Variants in CCDC7 observed in about 807,000 individuals in gnomAD.
CCDC7 encodes the protein coiled-coil domain containing 7, also known as coiled-coil domain-containing protein 7.
A neutral mutation model predicts 196.9 loss-of-function variants in CCDC7; 183 were observed. The observed-to-expected ratio is 0.93, with a 90% CI of 0.82 to 1.05. CCDC7 has a LOEUF of 1.05. Ranked by LOEUF, CCDC7 falls within the 50% of genes least tolerant of loss-of-function variation. The pLI is 0.00. For synonymous variants in CCDC7, 525 were observed against 484.6 expected (o/e 1.08, Z -1.10); for missense variants, 1,540 against 1,482.2 (o/e 1.04, Z -0.64).
intron 28 of CCDC7, among the ~76,000 whole-genome samples, chr10:32,732,793 G>A (rs530204635): frequency 2.0e-5 from 3 of 152,136 alleles, no homozygotes; most frequent in Non-Finnish European, 4.4e-5. Flanking sequence ...ACATTTTGTA[G>A]CAACTCTCTT....
At chr10:32,704,808 G>A (rs557097737) in intron 24 of CCDC7, among the ~76,000 whole-genome samples, 20 of 152,222 alleles carry the variant, frequency 1.3e-4, no homozygotes, top group African/African-American at 4.3e-4. Flanking sequence ...AGCACTCTCC[G>A]AGCCAGGCGC....
intron 29 of CCDC7, among the ~76,000 whole-genome samples, chr10:32,797,936 C>T (rs1036302705): frequency 8.5e-5 from 13 of 152,144 alleles, no homozygotes; most frequent in Non-Finnish European, 1.3e-4. Context: ...ATCAATCCAG[C>T]TGCTTCAGGA....
chr10:32,485,983 G>T (rs960352159), intron 8 of CCDC7, among the ~76,000 whole-genome samples: 2 of 152,168 alleles, frequency 1.3e-5, no homozygotes, highest in Non-Finnish European at 2.9e-5. Flanking sequence ...GTTGATTTGG[G>T]GTGGAGAGTT....
intron 8 of CCDC7, among the ~76,000 whole-genome samples, chr10:32,490,661 G>C (rs1198747962): frequency 2.6e-5 from 4 of 152,064 alleles, no homozygotes; most frequent in Non-Finnish European, 4.4e-5. Context: ...CCTGGGTGTG[G>C]TGGTGGGCTC....
chr10:32,642,757 G>T (rs2067070409), intron 20 of CCDC7, among the ~76,000 whole-genome samples: 1 of 152,156 alleles, frequency 6.6e-6, no homozygotes, highest in Non-Finnish European at 1.5e-5. Context: ...CTCACACTGG[G>T]ATCTGTAGAC....
intron 11 of CCDC7, among the ~76,000 whole-genome samples, chr10:32,536,673 C>T (rs190887587): frequency 2.0e-5 from 3 of 152,130 alleles, no homozygotes; most frequent in Non-Finnish European, 4.4e-5. Context: ...CCACTCTCCA[C>T]TCTCAAGTAG....
chr10:32,794,996 C>T, intron 29 of CCDC7, among the ~76,000 whole-genome samples: 1 of 152,062 alleles, frequency 6.6e-6, no homozygotes, highest in African/African-American at 2.4e-5. Context: ...ATGTAGGGTT[C>T]CCAGATTTCT....
chr10:32,753,217 G>T (rs1056703718), intron 28 of CCDC7, among the ~76,000 whole-genome samples: 1 of 152,016 alleles, frequency 6.6e-6, no homozygotes, highest in Admixed American at 6.6e-5. Context: ...ACATAAAATT[G>T]CCCAAGTGGA....
At chr10:32,470,613 T>A (rs2037757305) in intron 5 of CCDC7, among the ~76,000 whole-genome samples, 1 of 152,174 alleles carries the variant, frequency 6.6e-6, no homozygotes, top group Non-Finnish European at 1.5e-5. Flanking sequence ...GGAAAAATGC[T>A]AGTTCCATAG....
intron 32 of CCDC7, among the ~76,000 whole-genome samples, chr10:32,831,774 T>C (rs936888167): frequency 7.9e-5 from 12 of 152,176 alleles, no homozygotes; most frequent in Admixed American, 1.3e-4. Context: ...ATGATAACGA[T>C]GCCTTCTTCT....
At chr10:32,486,206 GTTAGTTA>G (rs2134288040) in intron 8 of CCDC7, among the ~76,000 whole-genome samples, 2 of 152,218 alleles carry the variant, frequency 1.3e-5, no homozygotes, top group South Asian at 4.1e-4. Context: ...ATATATTTAG[GTTAGTTA>G]GCTCTTCTTG....
intron 29 of CCDC7, among the ~76,000 whole-genome samples, chr10:32,786,313 C>G (rs185451530): frequency 6.6e-6 from 1 of 152,104 alleles, no homozygotes; most frequent in Admixed American, 6.5e-5. Context: ...TAGCATCACC[C>G]CTTTTAATAT....
intron 18 of CCDC7, among the ~76,000 whole-genome samples, chr10:32,594,214 T>C (rs2060076281): frequency 6.6e-6 from 1 of 152,214 alleles, no homozygotes; most frequent in African/African-American, 2.4e-5. Flanking sequence ...TTGTGTCCTC[T>C]TTTATTTCAC....
chr10:32,443,885 A>G (rs997971488), upstream of CCDC7, among the ~76,000 whole-genome samples: 1 of 152,164 alleles, frequency 6.6e-6, no homozygotes, highest in Non-Finnish European at 1.5e-5. Flanking sequence ...ATATTGATAG[A>G]CATAGACTTA....
chr10:32,805,386 G>T (rs2085620099), intron 30 of CCDC7, among the ~76,000 whole-genome samples: 1 of 152,092 alleles, frequency 6.6e-6, no homozygotes, highest in Non-Finnish European at 1.5e-5. Context: ...AATTATTTTA[G>T]TCCCTTTCTA....
intron 21 of CCDC7, among the ~76,000 whole-genome samples, chr10:32,669,656 A>G (rs1398998443): frequency 6.6e-6 from 1 of 152,050 alleles, no homozygotes; most frequent in Non-Finnish European, 1.5e-5. Context: ...GGTTATTGAA[A>G]TTGGTGCCAT....
At chr10:32,455,763 G>T (rs562384609) in intron 2 of CCDC7, among the ~76,000 whole-genome samples, 1 of 152,326 alleles carries the variant, frequency 6.6e-6, no homozygotes, top group East Asian at 1.9e-4. Flanking sequence ...GAAGGGATTT[G>T]ATCGTTATGA....
chr10:32,544,121 A>G, intron 12 of CCDC7, 126 bp from the exon 14 acceptor site: 2 of 726,812 alleles, frequency 2.8e-6, no homozygotes, highest in Non-Finnish European at 4.3e-6. Flanking sequence ...TATGTCTCTT[A>G]GAAATATGAA....
chr10:32,688,104 T>C (rs753552206), intron 22 of CCDC7, among the ~76,000 whole-genome samples: 2 of 152,054 alleles, frequency 1.3e-5, no homozygotes, highest in Non-Finnish European at 2.9e-5. Flanking sequence ...CTCATCTTCC[T>C]TGGACACTTT....
Sources: gnomAD v4.1 joint callset for allele counts (sites outside exome capture counted in the v4.1 genomes callset) on GRCh38, gnomAD v4.1.1 for gene constraint, MANE v1.5 for transcripts, NCBI Gene and HGNC (gene_info 2026-07-23, HGNC 2026-07-21) for gene names.